CMIP: variants seen among roughly 807,000 people sequenced by gnomAD.
The protein encoded by CMIP is c-Maf inducing protein, also known as C-Maf-inducing protein.
A neutral mutation model predicts 97.3 loss-of-function variants in CMIP; 13 were observed. The observed-to-expected ratio is 0.13, with a 90% CI of 0.09 to 0.21. The LOEUF is 0.21. CMIP is among the 10% of genes least tolerant of loss of function. The probability of loss-of-function intolerance (pLI) is 1.00; values close to 1 mark genes in which losing one functional copy is unlikely to be tolerated. For missense variants in CMIP, 847 were observed against 1,024.9 expected (o/e 0.83, Z 2.37); for synonymous variants, 538 against 436.3 (o/e 1.23, Z -2.91).
chr16:81,445,053 G>C lies in CMIP; in HGVS notation c.-189G>C, dbSNP rs1462743388. On this transcript the variant is annotated 5_prime_UTR_variant, in exon 1 of 21. Transcript: ENST00000537098. ...GAGCCCCGCAGGAAGCGCCGAGGCC[G>C]GCCCAGCCCGCCGCACGCGCCGCCC... 4.8e-6 allele frequency: 1 copy of C among 208,780 alleles called. No individual in the cohort carries two copies. Among genetic ancestry groups the C allele is most frequent in the East Asian group, 1.1e-4 (1 of 9,514 alleles). 12.9% of individuals were successfully genotyped at this position (208,780 alleles called of 1,614,324 possible).
intron 1 of CMIP, among the ~76,000 whole-genome samples, chr16:81,527,444 T>G (rs2090154020): frequency 6.6e-6 from 1 of 152,162 alleles, no homozygotes; most frequent in South Asian, 2.1e-4. Context: ...CATTCTTTTC[T>G]TCTTCTTTCT....
intron 2 of CMIP, among the ~76,000 whole-genome samples, chr16:81,617,919 T>C (rs11647300): frequency 0.12 from 18,575 of 152,216 alleles, 1,230 homozygotes; most frequent in East Asian, 0.21. Context: ...GCGGGGCCAG[T>C]GGACACAGAA....
chr16:81,520,569 G>GGGGAGAGAAA (rs370420453), intron 1 of CMIP: 5 of 106,950 alleles, frequency 4.7e-5, no homozygotes, highest in African/African-American at 1.7e-4. Flanking sequence ...GGAGGAAGGG[G>GGGGAGAGAAA]GAGAGAGAGA....
intron 1 of CMIP, among the ~76,000 whole-genome samples, chr16:81,470,430 T>G (rs565690478): frequency 6.6e-6 from 1 of 152,280 alleles, no homozygotes; most frequent in Non-Finnish European, 1.5e-5. Flanking sequence ...AGAGGCCGGG[T>G]CACAGAGACA....
rs552900250 is a variant in CMIP, at chr16:81,483,721, G to A, written c.300+38180G>A. Among the ~76,000 whole-genome samples, 5 of 152,244 alleles carry A rather than the reference G, an allele frequency of 3.3e-5. No homozygotes were observed. In the East Asian group the frequency reaches 9.7e-4, roughly 29 times the overall value. ...ACAGTCCAGTCTGGGGACCTTTCTC[G>A]GCCATCCCCTCCTCCAGCTATCCTC... is the stretch of plus-strand genomic sequence containing the variant. On this transcript the variant is annotated intron_variant, in intron 1 of 20. Coordinates refer to ENST00000537098, the MANE Select transcript of CMIP (RefSeq NM_198390.3).
chr16:81,539,203 A>G (rs937944346), intron 1 of CMIP, among the ~76,000 whole-genome samples: 1 of 152,238 alleles, frequency 6.6e-6, no homozygotes, highest in African/African-American at 2.4e-5. Context: ...TGCTTGCAGC[A>G]GGGATTTTCC....
chr16:81,534,830 TA>T (rs1287802194), intron 1 of CMIP, among the ~76,000 whole-genome samples: 6 of 152,246 alleles, frequency 3.9e-5, no homozygotes, highest in Non-Finnish European at 7.3e-5. Flanking sequence ...AAAATATTGC[TA>T]TTATCAGATA....
chr16:81,528,862 C>T (rs1316458333), intron 1 of CMIP, among the ~76,000 whole-genome samples: 1 of 152,128 alleles, frequency 6.6e-6, no homozygotes, highest in Admixed American at 6.5e-5. Context: ...ATTTGGTGAG[C>T]GCGATTTTTT....
chr16:81,673,364 A>G (rs942224298), intron 9 of CMIP, among the ~76,000 whole-genome samples: 1 of 152,134 alleles, frequency 6.6e-6, no homozygotes, highest in Non-Finnish European at 1.5e-5. Flanking sequence ...AAAAAAATAT[A>G]AAAATTAGCC....
chr16:81,572,468 C>G (rs1362478950), intron 1 of CMIP, among the ~76,000 whole-genome samples: 3 of 152,242 alleles, frequency 2.0e-5, no homozygotes, highest in African/African-American at 7.2e-5. Flanking sequence ...TTCTCTGCAT[C>G]TGGCCTTTAA....
chr16:81,596,021 C>T (rs779330978), intron 1 of CMIP, among the ~76,000 whole-genome samples: 5 of 152,290 alleles, frequency 3.3e-5, no homozygotes, highest in East Asian at 1.9e-4. Context: ...ACTTTCTCCA[C>T]CTCTCCCTCA....
At chr16:81,454,492 A>G (rs531320787) in intron 1 of CMIP, among the ~76,000 whole-genome samples, 26 of 152,382 alleles carry the variant, frequency 1.7e-4, no homozygotes, top group Non-Finnish European at 3.2e-4. Context: ...AGGTTGGCGG[A>G]CATTCCTTTG....
intron 14 of CMIP, chr16:81,697,328 C>T (rs1906849727): frequency 6.6e-6 from 1 of 152,552 alleles, no homozygotes; most frequent in Non-Finnish European, 1.5e-5. Context: ...CCTTCTGTTT[C>T]CAAGCCCTTC....
intron 1 of CMIP, among the ~76,000 whole-genome samples, chr16:81,561,021 C>G (rs555200317): frequency 2.4e-4 from 37 of 152,320 alleles, no homozygotes; most frequent in African/African-American, 8.7e-4. Flanking sequence ...GTGGTGCAAT[C>G]TTGCTTCACT....
chr16:81,514,338 C>A (rs1051939846), intron 1 of CMIP, among the ~76,000 whole-genome samples: 8 of 152,146 alleles, frequency 5.3e-5, no homozygotes, highest in Non-Finnish European at 1.2e-4. Flanking sequence ...GTGAGGGAAG[C>A]TTCCAGAAGT....
chr16:81,471,405 T>C (rs1418987196), intron 1 of CMIP, among the ~76,000 whole-genome samples: 8 of 139,854 alleles, frequency 5.7e-5, no homozygotes. Flanking sequence ...CACGTACAAA[T>C]GCATACACAC....
chr16:81,587,411 A>G (rs1409268769), intron 1 of CMIP, among the ~76,000 whole-genome samples: 1 of 152,074 alleles, frequency 6.6e-6, no homozygotes, highest in Non-Finnish European at 1.5e-5. Context: ...TCTGTGCCAT[A>G]TGTACTCGGG....
intron 10 of CMIP, among the ~76,000 whole-genome samples, chr16:81,680,339 TG>T (rs1021409601): frequency 6.6e-6 from 1 of 152,224 alleles, no homozygotes; most frequent in Admixed American, 6.5e-5. Context: ...CCTGGTGAGC[TG>T]GAGAAATGGC....
chr16:81,669,615 GCACCAACCTCTCACCTCCTTCCA>G (rs1382869912), intron 7 of CMIP, among the ~76,000 whole-genome samples: 2 of 70,406 alleles, frequency 2.8e-5, no homozygotes, highest in Admixed American at 3.0e-4. Flanking sequence ...ACCTCCTTCC[GCACCAACCTCTCACCTCCTTCCA>G]CACCCACCTC....
Sources: allele counts gnomAD v4.1 joint callset (sites outside exome capture counted in the v4.1 genomes callset), GRCh38; gene constraint gnomAD v4.1.1; transcripts MANE v1.5; gene names NCBI Gene and HGNC (gene_info 2026-07-23, HGNC 2026-07-21).